The following RHOJ variants were observed in gnomAD, a reference collection of about 807,000 sequenced individuals.
RHOJ encodes the protein ras homolog family member J.
A neutral mutation model predicts 23.4 loss-of-function variants in RHOJ; 11 were observed. That is an observed-to-expected ratio of 0.47 (90% confidence interval 0.30 to 0.78). RHOJ has a LOEUF of 0.78. Among genes scored for constraint, RHOJ ranks in the 30% least tolerant of loss-of-function variants. The pLI, the probability that RHOJ is intolerant of heterozygous loss-of-function variation, is 0.08. For missense variants in RHOJ, 254 were observed against 273.4 expected (o/e 0.93, Z 0.50); for synonymous variants, 102 against 102.7 (o/e 0.99, Z 0.04).
intron 1 of RHOJ, among the ~76,000 whole-genome samples, chr14:63,265,602 A>C (rs540811491): frequency 4.2e-4 from 64 of 152,366 alleles, no homozygotes; most frequent in African/African-American, 1.2e-3. Flanking sequence ...ACTTTGTAAA[A>C]TATTTGAAGA....
intron 1 of RHOJ, among the ~76,000 whole-genome samples, chr14:63,266,792 T>C (rs1022116081): frequency 1.3e-5 from 2 of 152,222 alleles, no homozygotes; most frequent in Admixed American, 6.5e-5. Flanking sequence ...ATCAATTCTA[T>C]GAGCCTTTTG....
At position 63,291,145 on chromosome 14, in the gene RHOJ, GC is replaced by G; in HGVS notation, c.*125del. On this transcript the variant is annotated 3_prime_UTR_variant, in exon 5 of 5. Transcript: ENST00000316754. ...AGGAACTCCCTTTGCACGGAGGCTT[GC>G]CCCATCACCCTCTGAGCCCTCCCAA... 1.7e-6 allele frequency: 2 copies of G among 1,156,206 alleles called. No homozygotes were observed. Among genetic ancestry groups the G allele is most frequent in the Non-Finnish European group, 2.5e-6 (2 of 787,540 alleles). 71.6% of individuals were successfully genotyped at this position (1,156,206 alleles called of 1,614,324 possible).
intron 4 of RHOJ, among the ~76,000 whole-genome samples, chr14:63,288,894 C>A (rs1225840304): frequency 6.6e-6 from 1 of 152,154 alleles, no homozygotes; most frequent in Non-Finnish European, 1.5e-5. Context: ...AATAAGTGGA[C>A]AATCTCATTT....
chr14:63,252,997 G>A (rs575689133), intron 1 of RHOJ, among the ~76,000 whole-genome samples: 89 of 152,260 alleles, frequency 5.8e-4, no homozygotes, highest in South Asian at 1.9e-3. Context: ...ATTTAGGTTG[G>A]CATTTGGCTG....
At chr14:63,251,873 C>A (rs559966261) in intron 1 of RHOJ, among the ~76,000 whole-genome samples, 1 of 152,108 alleles carries the variant, frequency 6.6e-6, no homozygotes, top group Non-Finnish European at 1.5e-5. Flanking sequence ...GTAATCCCAG[C>A]ACTTTGGGAG....
chr14:63,257,869 A>C (rs946200882), intron 1 of RHOJ, among the ~76,000 whole-genome samples: 1 of 149,516 alleles, frequency 6.7e-6, no homozygotes, highest in African/African-American at 2.5e-5. Context: ...ATCCAGGGGA[A>C]GTCTCAACCC....
intron 1 of RHOJ, among the ~76,000 whole-genome samples, chr14:63,267,342 GA>G (rs1895387093): frequency 6.6e-6 from 1 of 152,218 alleles, no homozygotes; most frequent in African/African-American, 2.4e-5. Context: ...ACATAGGTCA[GA>G]GCCATTGCTT....
intron 1 of RHOJ, among the ~76,000 whole-genome samples, chr14:63,238,372 A>C (rs1950380734): frequency 6.6e-6 from 1 of 152,188 alleles, no homozygotes; most frequent in African/African-American, 2.4e-5. Context: ...CTAGCTTTTC[A>C]AAGATCAGGG....
chr14:63,286,703 A>G (rs1030665016), intron 4 of RHOJ, among the ~76,000 whole-genome samples: 1 of 152,226 alleles, frequency 6.6e-6, no homozygotes, highest in African/African-American at 2.4e-5. Context: ...ACTGTTAAAC[A>G]GTCTCTTAGA....
At chr14:63,290,141 G>A (rs1310743234) in intron 4 of RHOJ, among the ~76,000 whole-genome samples, 1 of 152,140 alleles carries the variant, frequency 6.6e-6, no homozygotes, top group East Asian at 1.9e-4. Flanking sequence ...TACTTGAGAC[G>A]CTGAGGCAGG....
intron 1 of RHOJ, among the ~76,000 whole-genome samples, chr14:63,223,115 A>C (rs1014613644): frequency 4.6e-5 from 7 of 152,336 alleles, no homozygotes; most frequent in Non-Finnish European, 1.0e-4. Context: ...CACAGAATTC[A>C]TAGATGCAAG....
intron 1 of RHOJ, among the ~76,000 whole-genome samples, chr14:63,207,007 G>A (rs1894124833): frequency 1.3e-5 from 2 of 151,512 alleles, no homozygotes; most frequent in Non-Finnish European, 2.9e-5. Context: ...GGACTGTAAT[G>A]AAGTGGTCAT....
intron 1 of RHOJ, among the ~76,000 whole-genome samples, chr14:63,205,949 C>T (rs1229835565): frequency 6.6e-6 from 1 of 152,160 alleles, no homozygotes. Flanking sequence ...TGGTAGCCTA[C>T]ATTTTATAAC....
At chr14:63,265,061 T>C (rs1056653438) in intron 1 of RHOJ, among the ~76,000 whole-genome samples, 5 of 152,336 alleles carry the variant, frequency 3.3e-5, no homozygotes, top group South Asian at 2.1e-4. Flanking sequence ...TTTGTTTTGG[T>C]TGCAATTGCT....
At chr14:63,268,783 G>A (rs1196041159) in intron 1 of RHOJ, among the ~76,000 whole-genome samples, 3 of 152,216 alleles carry the variant, frequency 2.0e-5, no homozygotes, top group Admixed American at 6.5e-5. Context: ...ATGAAAAAGG[G>A]GCCCAGCATT....
At chr14:63,276,232 G>A (rs1163428708) in intron 2 of RHOJ, among the ~76,000 whole-genome samples, 1 of 152,134 alleles carries the variant, frequency 6.6e-6, no homozygotes, top group Admixed American at 6.5e-5. Context: ...GGGGCTGCGT[G>A]GCACCTGGGA....
At chr14:63,263,363 C>T (rs1259218989) in intron 1 of RHOJ, among the ~76,000 whole-genome samples, 1 of 152,162 alleles carries the variant, frequency 6.6e-6, no homozygotes, top group African/African-American at 2.4e-5. Flanking sequence ...GGCTGGCAAG[C>T]AATAAGGCAT....
chr14:63,289,078 C>T (rs1002623654), intron 4 of RHOJ, among the ~76,000 whole-genome samples: 2 of 152,130 alleles, frequency 1.3e-5, no homozygotes, highest in Non-Finnish European at 2.9e-5. Context: ...GGGTTATTCC[C>T]GCTCTGTTCT....
chr14:63,268,188 A>T (rs1895401782), intron 1 of RHOJ, among the ~76,000 whole-genome samples: 1 of 152,066 alleles, frequency 6.6e-6, no homozygotes, highest in Non-Finnish European at 1.5e-5. Flanking sequence ...TTCATATTTT[A>T]TTTCCTTTTT....
Sources: allele counts gnomAD v4.1 joint callset (sites outside exome capture counted in the v4.1 genomes callset), GRCh38; gene constraint gnomAD v4.1.1; transcripts MANE v1.5; gene names NCBI Gene and HGNC (gene_info 2026-07-23, HGNC 2026-07-21).